Variants in SLC19A1 observed in about 807,000 individuals in gnomAD.
SLC19A1 encodes the protein reduced folate transporter.
Under a neutral mutation model 35.3 loss-of-function variants are expected in SLC19A1, and 37 were observed. The observed-to-expected ratio is 1.05, with a 90% CI of 0.81 to 1.38. The LOEUF is 1.38. Ranked by LOEUF, SLC19A1 falls within the 40% of genes most tolerant of loss-of-function variation. The pLI, the probability that SLC19A1 is intolerant of heterozygous loss-of-function variation, is 0.00. For synonymous variants in SLC19A1, 460 were observed against 398.5 expected (o/e 1.15, Z -1.84); for missense variants, 831 against 826.9 (o/e 1.00, Z -0.06).
At chr21:45,504,085 C>G in intron 3 of SLC19A1, 1 of 1,612,178 alleles carries the variant, frequency 6.2e-7, no homozygotes, top group East Asian at 2.2e-5. Context: ...GTTGGGGGCC[C>G]CCAAGGTCCT....
At chr21:45,523,214 C>A (rs1476294244) in intron 5 of SLC19A1, among the ~76,000 whole-genome samples, 3 of 152,180 alleles carry the variant, frequency 2.0e-5, no homozygotes, top group African/African-American at 7.2e-5. Context: ...ACTCGGCACC[C>A]AGTAACAGGC....
intron 1 of SLC19A1, among the ~76,000 whole-genome samples, chr21:45,556,252 G>A (rs886866610): frequency 2.6e-5 from 4 of 152,222 alleles, no homozygotes; most frequent in African/African-American, 9.6e-5. Context: ...CCTAAGCTGA[G>A]CACGTCAGCG....
In SLC19A1 at chr21:45,531,877, C is replaced by T; in HGVS notation, c.461G>A (p.Gly154Asp). 6.3e-7 allele frequency: 1 copy of T among 1,586,374 alleles called. No homozygotes were observed. The highest frequency in any genetic ancestry group is 8.6e-7 in the Non-Finnish European group (1 of 1,167,070). ...CAGCAGCACCGCAGCGCGCGAGTAG[C>T]CGGCCACACGCTGGTAGCGCGCGGG... ...VRPARYQRVA[G>D]YSRAAVLLGV... is the part of the protein sequence containing the mutation. The change falls in exon 3 of 6, where the codon GGC becomes GAC. Residue 154 changes from glycine to aspartate, a missense_variant. Transcript: ENST00000311124.
chr21:45,509,316 G>A (rs763335204), downstream of SLC19A1: 3 of 1,537,250 alleles, frequency 2.0e-6, no homozygotes, highest in Admixed American at 3.9e-5. Context: ...GGCACCCGGA[G>A]GGTCCCCCCG....
Position 45,534,673 on chromosome 21 carries a change from C to T in SLC19A1, c.190-2525G>A, listed in dbSNP as rs1218159178. 4 of 1,316,044 alleles carry T rather than the reference C, an allele frequency of 3.0e-6. No individual in the cohort carries two copies. The highest frequency in any genetic ancestry group is 3.2e-6 in the Non-Finnish European group (3 of 948,946). 81.5% of individuals were successfully genotyped at this position (1,316,044 alleles called of 1,614,324 possible). ...TCCCCCTTGGCAGCCACCCAGAGCC[C>T]TCCCGCTCCTCTCCCTGCACCTCCT... On this transcript the variant is annotated intron_variant, in intron 2 of 5. Coordinates refer to ENST00000311124, the MANE Select transcript of SLC19A1 (RefSeq NM_194255.4). The surrounding 1 kb of genome is among the most constrained non-coding windows in gnomAD (Gnocchi z 4.2).
At chr21:45,538,754 G>T (rs1484793440) in intron 1 of SLC19A1, among the ~76,000 whole-genome samples, 1 of 152,210 alleles carries the variant, frequency 6.6e-6, no homozygotes, top group Non-Finnish European at 1.5e-5. Flanking sequence ...CCGGCGGCAG[G>T]TTACCCTAGA....
At chr21:45,509,424 G>T, downstream of SLC19A1, 1 of 1,537,956 alleles carries the variant, frequency 6.5e-7, no homozygotes. Context: ...ACCCGCGGCG[G>T]GAGCACCCCC....
intron 1 of SLC19A1, among the ~76,000 whole-genome samples, chr21:45,539,511 C>G (rs2078238151): frequency 6.6e-6 from 1 of 152,198 alleles, no homozygotes; most frequent in Non-Finnish European, 1.5e-5. Context: ...CAGAGCATCC[C>G]TCGATGTGGG....
rs1261350862 is a variant in SLC19A1 at position 45,517,781 on chromosome 21, C to T, written c.1294-1641G>A. ...AGGGGGCCACGAGGGGAGCTGGACT[C>T]CCATCCTTGCCTGGCAACAAGAAGG... On this transcript the variant is annotated intron_variant, in intron 5 of 5. Coordinates refer to ENST00000311124, the MANE Select transcript of SLC19A1 (RefSeq NM_194255.4). This position sits in a 1 kb window ranked among gnomAD's most constrained non-coding sequence, Gnocchi z 4.4. Among the ~76,000 whole-genome samples the T allele has an allele frequency of 6.6e-6, 1 of 151,966 alleles. No homozygotes were observed. Among genetic ancestry groups the T allele is most frequent in the Non-Finnish European group, 1.5e-5 (1 of 67,968 alleles).
chr21:45,523,152 C>A (rs2077488364), intron 5 of SLC19A1, among the ~76,000 whole-genome samples: 1 of 152,172 alleles, frequency 6.6e-6, no homozygotes, highest in Non-Finnish European at 1.5e-5. Flanking sequence ...CCCGACCAAG[C>A]CTGAACTCCT....
chr21:45,531,824 G>A lies in SLC19A1; in HGVS notation c.514C>T (p.Gln172Ter). Reference protein sequence around the residue: ...LGVFTSSVLGQLLVTVGRVSF... With the variant: ...LGVFTSSVLG Reference sequence around the variant, plus strand: ...ACTCGGCCCACAGTGACCAGCAGCTGGCCCAGCACGGAGCTGGTGAACACG... The same window carrying A: ...ACTCGGCCCACAGTGACCAGCAGCTAGCCCAGCACGGAGCTGGTGAACACG... Residue 172 changes from glutamine (Q) to a stop codon, truncating the protein, a stop_gained, in exon 3 of 6, where the codon CAG becomes TAG. Coordinates refer to ENST00000311124, the MANE Select transcript of SLC19A1 (RefSeq NM_194255.4). LOFTEE classifies it high-confidence loss of function. The A allele has an allele frequency of 6.3e-7, 1 of 1,588,708 alleles. No homozygotes were observed. Among genetic ancestry groups the A allele is most frequent in the South Asian group, 1.1e-5 (1 of 88,248 alleles).
rs11284347 is a variant in SLC19A1, at chr21:45,515,163, TAAAA to T, written c.*491_*494del. On this transcript the variant is annotated 3_prime_UTR_variant, in exon 6 of 6. Coordinates refer to ENST00000311124, the MANE Select transcript of SLC19A1 (RefSeq NM_194255.4). ...ATGCAGTTCTTCATTCTACGTCAGT[TAAAA>T]AAAAAAAAAGCATCTTTCAAAAAAG... 11 of 1,455,192 alleles carry T rather than the reference TAAAA, an allele frequency of 7.6e-6. No individual in the cohort carries two copies. The highest frequency in any genetic ancestry group is 6.6e-5 in the South Asian group (5 of 75,322). The allele number at this position is 1,455,192 out of a possible 1,614,324, so 90.1% of individuals were successfully genotyped here.
chr21:45,561,791 A>T (rs116221482), intron 1 of SLC19A1, among the ~76,000 whole-genome samples: 1,977 of 151,916 alleles, frequency 0.013, 36 homozygotes, highest in African/African-American at 0.045. Flanking sequence ...ATAAATAATT[A>T]AAAAATTAAA....
At position 45,514,989 on chromosome 21, in the gene SLC19A1, A is replaced by AGTG; in HGVS notation, c.*668_*669insCAC. The stretch of plus-strand genomic sequence containing the variant: ...AGGACCCGCAGGTCAGGATGGACAC[A>AGTG]CTTCAGAAGGACAGACAGGACCATG... On this transcript the variant is annotated 3_prime_UTR_variant, in exon 6 of 6. Coordinates refer to ENST00000311124, the MANE Select transcript of SLC19A1 (RefSeq NM_194255.4). 1 of 1,511,742 alleles carries AGTG rather than the reference A, an allele frequency of 6.6e-7. No homozygotes were observed. The highest frequency in any genetic ancestry group is 1.4e-5 in the African/African-American group (1 of 70,158). The allele number at this position is 1,511,742 out of a possible 1,614,324, so 93.6% of individuals were successfully genotyped here. A position where few individuals can be genotyped will look rare whatever the true frequency, so the allele number is the denominator to read the frequency against.
Position 45,517,083 on chromosome 21 carries a change from G to A in SLC19A1, c.1294-943C>T, listed in dbSNP as rs914003907. Among the ~76,000 whole-genome samples the A allele has an allele frequency of 5.0e-4, 76 of 151,882 alleles. No homozygotes were observed. The highest frequency in any genetic ancestry group is 4.2e-4 in the South Asian group (2 of 4,806). On this transcript the variant is annotated intron_variant, in intron 5 of 5. Transcript: ENST00000311124. This position sits in a 1 kb window ranked among gnomAD's most constrained non-coding sequence, Gnocchi z 4.4. ...TGTGCCACACAAGGGCAGACTGGCC[G>A]GGCCCTCGGGGTCTGGGGAGCTGTG...
At chr21:45,547,275 T>A (rs2078424309), upstream of SLC19A1, among the ~76,000 whole-genome samples, 1 of 152,106 alleles carries the variant, frequency 6.6e-6, no homozygotes, top group South Asian at 2.1e-4. Flanking sequence ...ATGGATTGTG[T>A]AAACCAAAAA....
At chr21:45,548,231 C>G (rs1361003922), upstream of SLC19A1, among the ~76,000 whole-genome samples, 1 of 152,206 alleles carries the variant, frequency 6.6e-6, no homozygotes, top group East Asian at 1.9e-4. Flanking sequence ...AGATGAACAT[C>G]AGACTTTATC....
At chr21:45,505,530 G>GAGAT (rs2037146863) in intron 3 of SLC19A1, 7 of 740,508 alleles carry the variant, frequency 9.5e-6, no homozygotes, top group African/African-American at 1.7e-5. Context: ...ACCCCACAGG[G>GAGAT]AGATATACAG....
rs2037676053 is a variant in SLC19A1 at position 45,512,590 on chromosome 21, G to A, written c.*3068C>T. On this transcript the variant is annotated 3_prime_UTR_variant, in exon 6 of 6. Coordinates refer to ENST00000311124, the MANE Select transcript of SLC19A1 (RefSeq NM_194255.4). ...TGTATTTTTTTAAAAGTTTAAAACA[G>A]AAGCCTGATGCTGACATTCACCTGC... is the stretch of plus-strand genomic sequence containing the variant. 3.2e-6 allele frequency: 2 copies of A among 632,788 alleles called. No homozygotes were observed. Among genetic ancestry groups the A allele is most frequent in the Admixed American group, 2.8e-5 (1 of 35,264 alleles). The allele number at this position is 632,788 out of a possible 1,614,324, so 39.2% of individuals were successfully genotyped here.
Sources: allele counts gnomAD v4.1 joint callset (sites outside exome capture counted in the v4.1 genomes callset), GRCh38; gene constraint gnomAD v4.1.1; non-coding constraint Gnocchi (gnomAD v3.1); transcripts MANE v1.5; gene names NCBI Gene and HGNC (gene_info 2026-07-23, HGNC 2026-07-21).